The following VRK1 variants were observed in gnomAD, a reference collection of about 807,000 sequenced individuals.
The protein encoded by VRK1 is VRK serine/threonine kinase 1.
Under a neutral mutation model 57.1 loss-of-function variants are expected in VRK1, and 33 were observed. The ratio of observed to expected loss-of-function variants is 0.58; its 90% CI spans 0.44 to 0.77. The LOEUF is 0.77. Among genes scored for constraint, VRK1 ranks in the 30% least tolerant of loss-of-function variants. VRK1 has a pLI of 0.00. For synonymous variants in VRK1, 137 were observed against 147.8 expected (o/e 0.93, Z 0.53); for missense variants, 413 against 477.3 (o/e 0.87, Z 1.25).
intron 11 of VRK1, among the ~76,000 whole-genome samples, chr14:96,875,142 A>G (rs1194793110): frequency 2.6e-5 from 4 of 152,236 alleles, no homozygotes; most frequent in Non-Finnish European, 5.9e-5. Flanking sequence ...AAAAAAATTC[A>G]AAGTTTTATA....
At chr14:96,829,997 G>C (rs1057167419) in intron 1 of VRK1, among the ~76,000 whole-genome samples, 1 of 151,828 alleles carries the variant, frequency 6.6e-6, no homozygotes, top group Admixed American at 6.6e-5. Context: ...AATTTAGCTG[G>C]GTATAAAATC....
chr14:96,853,321 A>G (rs1191551935), intron 7 of VRK1, among the ~76,000 whole-genome samples, 155 bp downstream of exon 7: 11 of 152,164 alleles, frequency 7.2e-5, no homozygotes, highest in Non-Finnish European at 2.9e-5. Flanking sequence ...TTAACATTCT[A>G]CATTTTTGAT....
chr14:96,834,570 C>T (rs1254559223), intron 2 of VRK1, among the ~76,000 whole-genome samples: 1 of 152,240 alleles, frequency 6.6e-6, no homozygotes, highest in African/African-American at 2.4e-5. Context: ...AAGAGGAGTC[C>T]CACTTCACCT....
intron 1 of VRK1, among the ~76,000 whole-genome samples, chr14:96,816,578 T>G (rs1886403078): frequency 6.6e-6 from 1 of 152,202 alleles, no homozygotes; most frequent in African/African-American, 2.4e-5. Flanking sequence ...TGGTGTGTGT[T>G]CTCCCTCACT....
chr14:96,799,607 G>A (rs1032964365), intron 1 of VRK1, among the ~76,000 whole-genome samples: 2 of 152,206 alleles, frequency 1.3e-5, no homozygotes, highest in South Asian at 4.1e-4. Flanking sequence ...CTGAATTTAT[G>A]CAAATGTGCA....
At chr14:96,807,891 A>G (rs1885943946) in intron 1 of VRK1, among the ~76,000 whole-genome samples, 1 of 152,122 alleles carries the variant, frequency 6.6e-6, no homozygotes, top group South Asian at 2.1e-4. Context: ...CTATGCACTG[A>G]GATTGGAAAT....
chr14:96,828,962 T>C (rs1886904519), intron 1 of VRK1, among the ~76,000 whole-genome samples: 1 of 152,134 alleles, frequency 6.6e-6, no homozygotes. Flanking sequence ...GGAGGGAGTT[T>C]CATTTAGATA....
chr14:96,802,692 A>G (rs1885711616), intron 1 of VRK1, among the ~76,000 whole-genome samples: 1 of 152,262 alleles, frequency 6.6e-6, no homozygotes. Flanking sequence ...GACACACAAA[A>G]GAATGTAAAA....
At chr14:96,808,421 CA>C (rs1326706525) in intron 1 of VRK1, among the ~76,000 whole-genome samples, 1 of 152,034 alleles carries the variant, frequency 6.6e-6, no homozygotes, top group Non-Finnish European at 1.5e-5. Flanking sequence ...TGAAGTGTAA[CA>C]AAAAGGTGCA....
At chr14:96,818,397 T>G (rs1374093867) in intron 1 of VRK1, among the ~76,000 whole-genome samples, 4 of 149,024 alleles carry the variant, frequency 2.7e-5, no homozygotes, top group African/African-American at 1.0e-4. Flanking sequence ...AAGAAATTTT[T>G]TCTTTTCTGA....
chr14:96,847,742 C>A (rs889736570), intron 5 of VRK1, among the ~76,000 whole-genome samples: 9 of 152,198 alleles, frequency 5.9e-5, no homozygotes, highest in African/African-American at 1.9e-4. Flanking sequence ...TCTGCCCACA[C>A]AGAAATGTTG....
intron 12 of VRK1, among the ~76,000 whole-genome samples, chr14:96,877,146 A>T (rs1381450120): frequency 1.3e-5 from 2 of 149,470 alleles, no homozygotes; most frequent in East Asian, 2.0e-4. Context: ...ATTTTTGGTT[A>T]AAAAAAAATT....
chr14:96,808,051 G>GTGTGTGCA (rs1318288308), intron 1 of VRK1, among the ~76,000 whole-genome samples: 1 of 139,702 alleles, frequency 7.2e-6, no homozygotes, highest in Non-Finnish European at 1.5e-5. Context: ...GTGTGTGTGT[G>GTGTGTGCA]TGTGCATGTG....
intron 1 of VRK1, among the ~76,000 whole-genome samples, chr14:96,807,320 C>T (rs1171319267): frequency 3.9e-5 from 6 of 152,234 alleles, no homozygotes; most frequent in South Asian, 2.1e-4. Context: ...CCCTCTTCCA[C>T]GTAACATCCT....
In VRK1 at chr14:96,797,454, A is replaced by C. The variant is rs2139668882; in HGVS notation, c.-6+7A>C. 6.6e-6 allele frequency: 1 copy of C among 152,156 alleles called. No homozygotes were observed. Among genetic ancestry groups the C allele is most frequent in the South Asian group, 2.1e-4 (1 of 4,826 alleles). 9.4% of individuals were successfully genotyped at this position (152,156 alleles called of 1,614,324 possible). A position where few individuals can be genotyped will look rare whatever the true frequency, so the allele number is the denominator to read the frequency against. On this transcript the variant is annotated splice_region_variant and intron_variant, in intron 1 of 12. Transcript: ENST00000216639. ...GACGGGTCTGCGGCTTAGGGTAGGG[A>C]GGCCGCAGGCGACACGGCTCGAGGA... is the stretch of plus-strand genomic sequence containing the variant.
Position 96,856,262 on chromosome 14 carries a change from C to CTTAA in VRK1, c.830+13_830+16dup. On this transcript the variant is annotated intron_variant, in intron 9 of 12. Transcript: ENST00000216639. ...GATTCCAAAATTAGGTAAAGGAAAA[C>CTTAA]TTAAGTTATTTCTAGCAAAATCATG... The CTTAA allele has an allele frequency of 1.2e-6, 2 of 1,611,884 alleles. No individual in the cohort carries two copies. The highest frequency in any genetic ancestry group is 1.7e-6 in the Non-Finnish European group (2 of 1,179,378).
intron 12 of VRK1, among the ~76,000 whole-genome samples, chr14:96,878,728 G>A (rs766999952): frequency 6.6e-6 from 1 of 152,050 alleles, no homozygotes; most frequent in Non-Finnish European, 1.5e-5. Flanking sequence ...AAGAACAGAG[G>A]CCTCTAATCC....
chr14:96,802,806 T>G (rs1015488718), intron 1 of VRK1, among the ~76,000 whole-genome samples: 1 of 152,270 alleles, frequency 6.6e-6, no homozygotes, highest in Non-Finnish European at 1.5e-5. Context: ...TGTATCACAT[T>G]TAACCATTTA....
chr14:96,865,293 A>G (rs984395904), intron 11 of VRK1, among the ~76,000 whole-genome samples: 1 of 152,150 alleles, frequency 6.6e-6, no homozygotes, highest in Non-Finnish European at 1.5e-5. Context: ...GATCTCAACC[A>G]TTTGTGGAAA....
Sources: allele counts gnomAD v4.1 joint callset (sites outside exome capture counted in the v4.1 genomes callset), GRCh38; gene constraint gnomAD v4.1.1; transcripts MANE v1.5; gene names NCBI Gene and HGNC (gene_info 2026-07-23, HGNC 2026-07-21).